The following AFDN variants were observed in gnomAD, a reference collection of about 807,000 sequenced individuals.
AFDN encodes afadin, adherens junction formation factor.
AFDN carries 68 observed loss-of-function variants against 216.6 expected under a neutral mutation model. The ratio of observed to expected loss-of-function variants is 0.31; its 90% CI spans 0.26 to 0.38. The LOEUF (loss-of-function observed/expected upper bound fraction) is 0.38. AFDN is among the 10% of genes least tolerant of loss of function. AFDN has a pLI of 1.00. For missense variants in AFDN, 2,136 were observed against 2,342.0 expected, an observed-to-expected ratio of 0.91 and a Z score of 1.82; for synonymous variants, 868 against 853.7, an observed-to-expected ratio of 1.02 and a Z score of -0.29.
chr6:167,855,881 T>C (rs1288634556), intron 1 of AFDN, among the ~76,000 whole-genome samples: 1 of 152,172 alleles, frequency 6.6e-6, no homozygotes, highest in Non-Finnish European at 1.5e-5. Context: ...TGATAAGTCA[T>C]AGTACAGTAG....
chr6:167,863,707 AT>A, intron 1 of AFDN: 1 of 487,766 alleles, frequency 2.1e-6, no homozygotes, highest in Non-Finnish European at 4.1e-6. Flanking sequence ...GGGAAAGGAC[AT>A]CCCACAGTTG....
chr6:167,939,728 A>T (rs1395913758), intron 23 of AFDN, among the ~76,000 whole-genome samples: 1 of 152,204 alleles, frequency 6.6e-6, no homozygotes, highest in East Asian at 1.9e-4. Context: ...GAAAAAATTC[A>T]GTTAATTAGA....
rs760828013 is a variant in AFDN at position 167,915,324 on chromosome 6, C to A, written c.2456C>A (p.Ser819Tyr). ...LVTDPDSGLC[S>Y]HYWGAIIRQQ... Reference sequence around the variant, plus strand: ...ACCGACCCAGATTCGGGGCTGTGCTCCCATTACTGGGGTGCGATTATCCGT... The same window carrying A: ...ACCGACCCAGATTCGGGGCTGTGCTACCATTACTGGGGTGCGATTATCCGT... The change falls in exon 19 of 34, where the codon TCC becomes TAC. Residue 819 changes from serine (S) to tyrosine (Y), a missense_variant. Coordinates refer to ENST00000683244, the MANE Select transcript of AFDN (RefSeq NM_001386888.1). 1 of 1,614,096 alleles carries A rather than the reference C, an allele frequency of 6.2e-7. No homozygotes were observed. The highest frequency in any genetic ancestry group is 8.5e-7 in the Non-Finnish European group (1 of 1,180,056).
rs573038789 is a variant in AFDN, at chr6:167,922,053, C to A, written c.2909-803C>A. 5.9e-5 allele frequency among the ~76,000 whole-genome samples: 9 copies of A among 152,286 alleles called. No homozygotes were observed. The South Asian group carries it at 8.3e-4, about 14-fold the overall frequency. On this transcript the variant is annotated intron_variant, in intron 21 of 33. Coordinates refer to ENST00000683244, the MANE Select transcript of AFDN (RefSeq NM_001386888.1). The stretch of plus-strand genomic sequence containing the variant: ...GCTGCGCAGAGTCTGTCACACAGGA[C>A]GCTCTTGATGAATGTTAGGTGCTGA...
At chr6:167,933,480 A>G (rs1793584518) in intron 23 of AFDN, among the ~76,000 whole-genome samples, 1 of 152,200 alleles carries the variant, frequency 6.6e-6, no homozygotes, top group Non-Finnish European at 1.5e-5. Flanking sequence ...TGGTCTAATT[A>G]TGACCATGTG....
intron 1 of AFDN, among the ~76,000 whole-genome samples, chr6:167,853,238 T>C (rs766012042): frequency 2.8e-4 from 43 of 152,222 alleles, no homozygotes; most frequent in Admixed American, 4.6e-4. Context: ...TCTTTTCTCT[T>C]ACATTGAAAA....
At chr6:167,890,587 G>A (rs1260169925) in intron 7 of AFDN, among the ~76,000 whole-genome samples, 2 of 147,294 alleles carry the variant, frequency 1.4e-5, no homozygotes, top group Admixed American at 1.4e-4. Context: ...TTAACCTGGT[G>A]TTTTTTTTTC....
Position 167,962,352 on chromosome 6 carries a change from G to A in AFDN, c.4834-81G>A, listed in dbSNP as rs1019308158. On this transcript the variant is annotated intron_variant, in intron 30 of 33. Transcript: ENST00000683244. The surrounding 1 kb of genome is among the most constrained non-coding windows in gnomAD (Gnocchi z 5.2). ...TGTGTGTGTGTTTGTGTATATGTGT[G>A]TCTACTTGTCTTAATGTGTGCATTT... 13 of 1,578,408 alleles carry A rather than the reference G, an allele frequency of 8.2e-6. No homozygotes were observed. The East Asian group carries it at 2.0e-4, about 25-fold the overall frequency.
At chr6:167,857,520 G>C (rs920560155) in intron 1 of AFDN, among the ~76,000 whole-genome samples, 45 of 152,146 alleles carry the variant, frequency 3.0e-4, no homozygotes, top group African/African-American at 1.1e-3. Context: ...ATAGTTCCCT[G>C]TCACTAGATT....
intron 31 of AFDN, chr6:167,963,457 G>A (rs769471824): frequency 1.7e-5 from 18 of 1,053,348 alleles, no homozygotes; most frequent in Non-Finnish European, 1.8e-5. Context: ...GGATAGTCTA[G>A]TGAACTATAT....
In AFDN at chr6:167,880,505, C is replaced by T. The variant is rs766657413; in HGVS notation, c.885C>T (p.Tyr295=). The T allele has an allele frequency of 3.1e-6, 5 of 1,613,424 alleles. No individual in the cohort carries two copies. The highest frequency in any genetic ancestry group is 3.4e-6 in the Non-Finnish European group (4 of 1,179,684). The part of the protein sequence containing the change: ...YGLEKENPKD[Y]CIARVMLPPG... Reference sequence around the variant, plus strand: ...TGGAAAAAGAAAACCCTAAGGATTACTGCATCGCCCGGGTAAGGAACTTTA... The same window carrying T: ...TGGAAAAAGAAAACCCTAAGGATTATTGCATCGCCCGGGTAAGGAACTTTA... Residue 295 remains tyrosine (Y), a synonymous_variant, in exon 6 of 34, where the codon TAC becomes TAT. Transcript: ENST00000683244.
rs144042423 is a variant in AFDN at position 167,901,800 on chromosome 6, A to T, written c.1581-517A>T. Among the ~76,000 whole-genome samples the T allele has an allele frequency of 2.0e-3, 309 of 152,062 alleles. 1 individual carries two copies. Among genetic ancestry groups the T allele is most frequent in the African/African-American group, 7.0e-3 (290 of 41,482 alleles). ...CGTTTCTTGTATAGTTAAAAAAAAA[A>T]ATATGATCGGGCCGGGCGTGGTGGC... On this transcript the variant is annotated intron_variant, in intron 11 of 33. Coordinates refer to ENST00000683244, the MANE Select transcript of AFDN (RefSeq NM_001386888.1).
At chr6:167,915,778 TTAATG>T (rs1405825104) in intron 19 of AFDN, among the ~76,000 whole-genome samples, 2 of 152,228 alleles carry the variant, frequency 1.3e-5, no homozygotes, top group Non-Finnish European at 2.9e-5. Flanking sequence ...TTCTGATAAT[TTAATG>T]TACACAAACT....
intron 2 of AFDN, among the ~76,000 whole-genome samples, chr6:167,869,175 G>A (rs1784529515): frequency 6.6e-6 from 1 of 152,074 alleles, no homozygotes; most frequent in African/African-American, 2.4e-5. Context: ...CTGATGGGGT[G>A]CTGGGCAGTG....
At chr6:167,898,121 AG>A in intron 10 of AFDN, 83 bp from the exon 11 acceptor site, 1 of 1,431,772 alleles carries the variant, frequency 7.0e-7, no homozygotes, top group South Asian at 1.3e-5. Flanking sequence ...TTGTCATAAA[AG>A]GGGTACTCAC....
chr6:167,962,845 G>A lies in AFDN; in HGVS notation c.4968+278G>A. 7.9e-7 allele frequency: 1 copy of A among 1,259,840 alleles called. No individual in the cohort carries two copies. The highest frequency in any genetic ancestry group is 1.0e-6 in the Non-Finnish European group (1 of 996,132). 78.0% of individuals were successfully genotyped at this position (1,259,840 alleles called of 1,614,324 possible). A position where few individuals can be genotyped will look rare whatever the true frequency, so the allele number is the denominator to read the frequency against. On this transcript the variant is annotated intron_variant, in intron 31 of 33. Coordinates refer to ENST00000683244, the MANE Select transcript of AFDN (RefSeq NM_001386888.1). This position sits in a 1 kb window ranked among gnomAD's most constrained non-coding sequence, Gnocchi z 5.2. ...TGTAGCAGTGAGCCTCTTTGCAAAG[G>A]GTTCGTTTCCTCGGGCACTCATCTT...
intron 23 of AFDN, among the ~76,000 whole-genome samples, chr6:167,936,791 A>G (rs936516190): frequency 1.3e-5 from 2 of 152,188 alleles, no homozygotes; most frequent in African/African-American, 2.4e-5. Flanking sequence ...AGCCAGACTG[A>G]GAAACCTTGG....
At chr6:167,942,590 T>C (rs570340576) in intron 23 of AFDN, among the ~76,000 whole-genome samples, 1 of 152,362 alleles carries the variant, frequency 6.6e-6, no homozygotes, top group African/African-American at 2.4e-5. Context: ...TTTCATAATA[T>C]ATCAATTCTA....
intron 6 of AFDN, among the ~76,000 whole-genome samples, chr6:167,888,130 G>T (rs944665533): frequency 2.6e-5 from 4 of 152,170 alleles, no homozygotes; most frequent in Admixed American, 6.5e-5. Context: ...AAAGAGATGA[G>T]TGAAGGTCAG....
Sources: gnomAD v4.1 joint callset for allele counts (sites outside exome capture counted in the v4.1 genomes callset) on GRCh38, gnomAD v4.1.1 for gene constraint, Gnocchi (gnomAD v3.1) non-coding constraint, MANE v1.5 for transcripts, NCBI Gene and HGNC (gene_info 2026-07-23, HGNC 2026-07-21) for gene names.